Variants in MAU2 observed in about 807,000 individuals in gnomAD.
MAU2 encodes MAU2 chromatid cohesion factor homolog.
A neutral mutation model predicts 89.1 loss-of-function variants in MAU2; 9 were observed. The observed-to-expected ratio is 0.10, with a 90% CI of 0.06 to 0.18. The LOEUF is 0.18. Among genes scored for constraint, MAU2 ranks in the 10% least tolerant of loss-of-function variants. MAU2 has a pLI of 1.00. For synonymous variants in MAU2, 357 were observed against 343.4 expected, an observed-to-expected ratio of 1.04 and a Z score of -0.44; for missense variants, 425 against 803.5, an observed-to-expected ratio of 0.53 and a Z score of 5.69.
At chr19:19,324,366 CATG>C (rs2061487665) in intron 1 of MAU2, among the ~76,000 whole-genome samples, 1 of 152,116 alleles carries the variant, frequency 6.6e-6, no homozygotes, top group South Asian at 2.1e-4. Context: ...TCTCCAGGGT[CATG>C]ATGAGGCTGA....
rs527599629 is a variant in MAU2, at chr19:19,345,627, G to C, written c.1221+258G>C. ...GAGGGAGAGGTGCGACGCGTCCGGGGACACCACTTTCATGCCTGAGTGGGA... is the reference window on the plus strand; with the variant it reads ...GAGGGAGAGGTGCGACGCGTCCGGGCACACCACTTTCATGCCTGAGTGGGA... On this transcript the variant is annotated intron_variant, in intron 12 of 18. Coordinates refer to ENST00000262815, the MANE Select transcript of MAU2 (RefSeq NM_015329.4). The surrounding 1 kb of genome is among the most constrained non-coding windows in gnomAD (Gnocchi z 4.9). 1.3e-5 allele frequency among the ~76,000 whole-genome samples: 2 copies of C among 152,206 alleles called. No homozygotes were observed. The highest frequency in any genetic ancestry group is 4.1e-4 in the South Asian group (2 of 4,838).
At chr19:19,354,276 T>C in intron 16 of MAU2, 79 bp from the exon 17 acceptor site, 1 of 1,116,258 alleles carries the variant, frequency 9.0e-7, no homozygotes, top group South Asian at 1.3e-5. Context: ...GGTTCCAGAT[T>C]ATCCCCACCC....
At position 19,343,758 on chromosome 19, in the gene MAU2, C is replaced by T. The variant is rs970729775; in HGVS notation, c.974-79C>T. ...TAGCCAGTGTGGCAGGAGACAGGAACGAGGTGGGGGCACGGTGGGCTGGGG... is the reference window on the plus strand; with the variant it reads ...TAGCCAGTGTGGCAGGAGACAGGAATGAGGTGGGGGCACGGTGGGCTGGGG... On this transcript the variant is annotated intron_variant, in intron 9 of 18. Transcript: ENST00000262815. 57 of 1,034,872 alleles carry T rather than the reference C, an allele frequency of 5.5e-5. No homozygotes were observed. The African/African-American group carries it at 6.1e-4, about 11-fold the overall frequency. The allele number at this position is 1,034,872 out of a possible 1,614,324, so 64.1% of individuals were successfully genotyped here.
intron 16 of MAU2, among the ~76,000 whole-genome samples, chr19:19,349,921 T>G (rs1466844240): frequency 1.3e-5 from 2 of 151,332 alleles, no homozygotes; most frequent in Non-Finnish European, 2.9e-5. Flanking sequence ...GCCGCCTCAG[T>G]CCTTCCTGTC....
intron 1 of MAU2, 95 bp from the exon 2 acceptor site, chr19:19,335,623 G>C (rs2061590166): frequency 1.5e-6 from 2 of 1,317,328 alleles, no homozygotes; most frequent in Non-Finnish European, 2.2e-6. Flanking sequence ...GGCAGCCTCT[G>C]TTCTCAGGAC....
At chr19:19,329,019 T>G (rs2061533437) in intron 1 of MAU2, 1 of 456,032 alleles carries the variant, frequency 2.2e-6, no homozygotes, top group South Asian at 1.5e-5. Context: ...AGCTCCAGAC[T>G]GTGCTGGTCA....
At chr19:19,334,344 A>G (rs1021705133) in intron 1 of MAU2, 15 of 985,574 alleles carry the variant, frequency 1.5e-5, no homozygotes, top group East Asian at 2.3e-4. Context: ...GTGTGGGTGC[A>G]TGTGTGTCAG....
At chr19:19,329,992 T>C (rs968625867) in intron 1 of MAU2, among the ~76,000 whole-genome samples, 2 of 151,210 alleles carry the variant, frequency 1.3e-5, no homozygotes, top group African/African-American at 4.8e-5. Context: ...TATTTTTTAT[T>C]TTTTTGAGAT....
At chr19:19,335,613 G>C in intron 1 of MAU2, 105 bp from the exon 2 acceptor site, 1 of 1,149,238 alleles carries the variant, frequency 8.7e-7, no homozygotes, top group East Asian at 2.3e-5. Flanking sequence ...CTGGATACCT[G>C]GCAGCCTCTG....
intron 12 of MAU2, 165 bp from the exon 13 acceptor site, chr19:19,347,115 A>G: frequency 1.7e-6 from 1 of 594,088 alleles, no homozygotes; most frequent in Non-Finnish European, 3.0e-6. Flanking sequence ...AGAAGAAGTA[A>G]TAGCTGTGTT....
chr19:19,341,547 G>C, intron 7 of MAU2, 140 bp downstream of exon 7: 1 of 1,035,160 alleles, frequency 9.7e-7, no homozygotes, highest in Non-Finnish European at 1.4e-6. Flanking sequence ...ACCAGTCCCG[G>C]ACACACACAC....
At chr19:19,336,288 C>T (rs1049502783) in intron 3 of MAU2, 101 bp downstream of exon 3, 54 of 875,194 alleles carry the variant, frequency 6.2e-5, no homozygotes, top group Admixed American at 3.3e-4. Flanking sequence ...GGAATCCCTC[C>T]GGCTTTTTTT....
At chr19:19,336,532 C>T (rs909318238) in intron 3 of MAU2, among the ~76,000 whole-genome samples, 3 of 152,182 alleles carry the variant, frequency 2.0e-5, no homozygotes, top group Non-Finnish European at 4.4e-5. Flanking sequence ...CCTCGACTTC[C>T]CAAAGTGCCA....
chr19:19,327,055 C>A (rs989349853), intron 1 of MAU2, among the ~76,000 whole-genome samples: 1 of 150,954 alleles, frequency 6.6e-6, no homozygotes, highest in Non-Finnish European at 1.5e-5. Context: ...CAAGCAATCA[C>A]CTGCCTTGGC....
At position 19,345,360 on chromosome 19, in the gene MAU2, G is replaced by A. The variant is rs151003145; in HGVS notation, c.1212G>A (p.Thr404=). ...CMDNAEAQFT[T]ALRLTNHQEL... is the part of the protein sequence containing the mutation. Reference sequence around the variant, plus strand: ...ACAACGCGGAAGCCCAGTTCACCACGGCCCTGCGGGTAAGGTGCCGGCCCT... The same window carrying A: ...ACAACGCGGAAGCCCAGTTCACCACAGCCCTGCGGGTAAGGTGCCGGCCCT... The change falls in exon 12 of 19, where the codon ACG becomes ACA. Residue 404 remains threonine, a synonymous_variant. Coordinates refer to ENST00000262815, the MANE Select transcript of MAU2 (RefSeq NM_015329.4). The surrounding 1 kb of genome is among the most constrained non-coding windows in gnomAD (Gnocchi z 4.9). 192 of 1,613,758 alleles carry A rather than the reference G, an allele frequency of 1.2e-4. No homozygotes were observed. In the African/African-American group the frequency reaches 1.7e-3, roughly 14 times the overall value.
chr19:19,340,034 G>A (rs1026993446), intron 5 of MAU2, among the ~76,000 whole-genome samples: 16 of 151,892 alleles, frequency 1.1e-4, no homozygotes, highest in East Asian at 2.0e-4. Context: ...GCATGGTGGC[G>A]GGCGCCTGTA....
intron 1 of MAU2, among the ~76,000 whole-genome samples, chr19:19,322,709 C>T (rs2061471349): frequency 7.0e-6 from 1 of 143,094 alleles, no homozygotes; most frequent in Non-Finnish European, 1.5e-5. Flanking sequence ...TTACCTTTTA[C>T]CCAGCTCTGT....
At chr19:19,330,910 G>A (rs2061550308) in intron 1 of MAU2, among the ~76,000 whole-genome samples, 1 of 152,136 alleles carries the variant, frequency 6.6e-6, no homozygotes, top group Admixed American at 6.5e-5. Flanking sequence ...ATCAAAAAAA[G>A]CCTTTTTTTT....
intron 1 of MAU2, chr19:19,334,109 G>T: frequency 1.0e-6 from 1 of 957,642 alleles, no homozygotes. Context: ...CAGCTTCTGT[G>T]GAAAAAAGCC....
Sources: gnomAD v4.1 joint callset for allele counts (sites outside exome capture counted in the v4.1 genomes callset) on GRCh38, gnomAD v4.1.1 for gene constraint, Gnocchi (gnomAD v3.1) non-coding constraint, MANE v1.5 for transcripts, NCBI Gene and HGNC (gene_info 2026-07-23, HGNC 2026-07-21) for gene names.